The following FAM184A variants were observed in gnomAD, a reference collection of about 807,000 sequenced individuals.
The protein encoded by FAM184A is family with sequence similarity 184 member A.
Under a neutral mutation model 143.8 loss-of-function variants are expected in FAM184A, and 99 were observed. The observed-to-expected ratio is 0.69, with a 90% CI of 0.58 to 0.81. The LOEUF (loss-of-function observed/expected upper bound fraction) is 0.81, where lower values mean the gene tolerates loss of function less well. Ranked by LOEUF, FAM184A falls within the 40% of genes least tolerant of loss-of-function variation. The pLI, the probability that FAM184A is intolerant of heterozygous loss-of-function variation, is 0.00. For synonymous variants in FAM184A, 427 were observed against 446.4 expected (o/e 0.96, Z 0.55); for missense variants, 1,217 against 1,310.5 (o/e 0.93, Z 1.10).
intron 1 of FAM184A, among the ~76,000 whole-genome samples, chr6:119,026,511 C>T (rs544778213): frequency 1.3e-5 from 2 of 152,000 alleles, no homozygotes; most frequent in African/African-American, 2.4e-5. Context: ...TGAACGGACC[C>T]TCCTCTTAGC....
intron 14 of FAM184A, among the ~76,000 whole-genome samples, chr6:118,972,762 G>A (rs1783733643): frequency 2.0e-5 from 3 of 152,156 alleles, no homozygotes. Flanking sequence ...ACAGACTGAC[G>A]TTATTCTTTC....
intron 1 of FAM184A, among the ~76,000 whole-genome samples, chr6:119,042,646 C>T (rs991941073): frequency 1.3e-5 from 2 of 152,170 alleles, no homozygotes; most frequent in Admixed American, 6.5e-5. Flanking sequence ...TATAATACCA[C>T]AATGGTGAAC....
chr6:119,081,106 C>A (rs921107823), upstream of FAM184A, among the ~76,000 whole-genome samples: 1 of 152,136 alleles, frequency 6.6e-6, no homozygotes, highest in Non-Finnish European at 1.5e-5. Flanking sequence ...CTAACCCATT[C>A]ATGAGAACTT....
chr6:119,042,502 C>A (rs1786377076), intron 1 of FAM184A, among the ~76,000 whole-genome samples: 1 of 151,940 alleles, frequency 6.6e-6, no homozygotes, highest in Admixed American at 6.6e-5. Flanking sequence ...CAGTTGAATT[C>A]TTTCTTTTGA....
chr6:119,023,129 C>G (rs1471053942), intron 2 of FAM184A, 49 bp from the exon 3 acceptor site: 1 of 1,583,436 alleles, frequency 6.3e-7, no homozygotes, highest in Non-Finnish European at 8.6e-7. Context: ...TAATACTAAG[C>G]TAAATAATTC....
intron 1 of FAM184A, among the ~76,000 whole-genome samples, chr6:119,037,228 A>T (rs919711168): frequency 5.9e-5 from 9 of 152,202 alleles, no homozygotes; most frequent in Non-Finnish European, 1.3e-4. Flanking sequence ...TTCACATTTG[A>T]ACATTTCTTA....
Position 119,024,174 on chromosome 6 carries a change from T to C in FAM184A, c.799A>G (p.Lys267Glu). The C allele has an allele frequency of 6.2e-7, 1 of 1,614,238 alleles. No individual in the cohort carries two copies. Residue 267 changes from lysine (K) to glutamate (E), a missense_variant, in exon 2 of 18, where the codon AAA becomes GAA. Physicochemically the swap from Lys to Glu is moderately conservative, Grantham distance 56 (BLOSUM62 1). Coordinates refer to ENST00000338891, the MANE Select transcript of FAM184A (RefSeq NM_024581.6). Reference protein sequence around the residue: ...SFYERELDTLKRSQLFTAESL... With the variant: ...SFYERELDTLERSQLFTAESL... Reference sequence around the variant, plus strand: ...TCTGCTGTAAAAAGCTGTGACCTTTTCAAAGTATCAAGCTCACGTTCATAA... The same window carrying C: ...TCTGCTGTAAAAAGCTGTGACCTTTCCAAAGTATCAAGCTCACGTTCATAA...
chr6:119,051,515 A>G (rs1786764943), intron 1 of FAM184A, among the ~76,000 whole-genome samples: 1 of 152,236 alleles, frequency 6.6e-6, no homozygotes, highest in Admixed American at 6.5e-5. Context: ...ATATTTTAAA[A>G]TAAAGACTAT....
At chr6:119,054,802 C>T (rs1242744168) in intron 1 of FAM184A, among the ~76,000 whole-genome samples, 2 of 152,050 alleles carry the variant, frequency 1.3e-5, no homozygotes, top group Non-Finnish European at 2.9e-5. Context: ...AGACTTCTTG[C>T]CTTATAGGTC....
chr6:119,024,820 G>C lies in FAM184A; in HGVS notation c.160-7C>G, dbSNP rs41292562. 11,986 of 1,569,856 alleles carry C rather than the reference G, an allele frequency of 7.6e-3. 57 individuals are homozygous for C. The highest frequency in any genetic ancestry group is 0.018 in the Middle Eastern group (105 of 5,762). On this transcript the variant is annotated splice_region_variant and splice_polypyrimidine_tract_variant and intron_variant, in intron 1 of 17. Transcript: ENST00000338891. ...TGTTTAAAGCATATATTACCTGCAT[G>C]GTTTTGAATAAGAAGGGAGAAGGAT... is the stretch of plus-strand genomic sequence containing the variant.
chr6:119,023,631 C>T (rs1426878299), intron 2 of FAM184A, among the ~76,000 whole-genome samples: 2 of 133,646 alleles, frequency 1.5e-5, no homozygotes, highest in South Asian at 2.6e-4. Flanking sequence ...TGGCCTGAAG[C>T]GATCCTCCTG....
At chr6:119,115,970 AACACAC>A (rs66707302) in intron 1 of FAM184A, among the ~76,000 whole-genome samples, 7,526 of 137,346 alleles carry the variant, frequency 0.055, 522 homozygotes, top group Admixed American at 0.2. Flanking sequence ...CTCCGTCTCA[AACACAC>A]ACACACACAC....
At position 119,078,194 on chromosome 6, in the gene FAM184A, A is replaced by G. The variant is rs781343964; in HGVS notation, c.106T>C (p.Tyr36His). The G allele has an allele frequency of 7.6e-6, 12 of 1,584,690 alleles. No individual in the cohort carries two copies. The highest frequency in any genetic ancestry group is 1.7e-6 in the Non-Finnish European group (2 of 1,167,846). ...ATTTTCAGGTGCATCTCCTGGCTGT[A>G]GTCCATGCTGTGCCCAGCCAGCTGT... Reference protein sequence around the residue: ...TAQLAGHSMDYSQEMHLKMSK... With the variant: ...TAQLAGHSMDHSQEMHLKMSK... Residue 36 changes from tyrosine to histidine, a missense_variant, in exon 1 of 18, where the codon TAC becomes CAC. Coordinates refer to ENST00000338891, the MANE Select transcript of FAM184A (RefSeq NM_024581.6). This position sits in a 1 kb window ranked among gnomAD's most constrained non-coding sequence, Gnocchi z 5.5.
At chr6:118,997,325 A>G (rs1582482656) in intron 9 of FAM184A, among the ~76,000 whole-genome samples, 1 of 9,568 alleles carries the variant, frequency 1.0e-4, no homozygotes, top group Non-Finnish European at 2.9e-4. Flanking sequence ...ACTCCATCTC[A>G]AAAAAAAAAA....
intron 14 of FAM184A, among the ~76,000 whole-genome samples, chr6:118,972,700 C>A (rs747085168): frequency 1.2e-4 from 19 of 152,114 alleles, no homozygotes; most frequent in Admixed American, 4.6e-4. Context: ...AAAACAAGGA[C>A]ACAACCTTTA....
At chr6:119,141,768 T>C (rs1331995583) in intron 1 of FAM184A, among the ~76,000 whole-genome samples, 1 of 152,082 alleles carries the variant, frequency 6.6e-6, no homozygotes, top group African/African-American at 2.4e-5. Context: ...TGAGCCACTG[T>C]GCCCGGCCCC....
chr6:119,144,027 C>A (rs1772333918), intron 1 of FAM184A, among the ~76,000 whole-genome samples: 1 of 152,100 alleles, frequency 6.6e-6, no homozygotes, highest in African/African-American at 2.4e-5. Context: ...TCTGATAGAA[C>A]AGGCTGGTTT....
intron 9 of FAM184A, 94 bp downstream of exon 9, chr6:119,002,805 C>A: frequency 8.7e-7 from 1 of 1,152,636 alleles, no homozygotes; most frequent in South Asian, 1.9e-5. Context: ...TGAAAAATAA[C>A]AAAATTCAGT....
chr6:119,006,190 G>T, intron 7 of FAM184A: 1 of 764,944 alleles, frequency 1.3e-6, no homozygotes, highest in South Asian at 1.3e-5. Context: ...GAAAATACAA[G>T]GACGGATCTT....
Sources: allele counts gnomAD v4.1 joint callset (sites outside exome capture counted in the v4.1 genomes callset), GRCh38; gene constraint gnomAD v4.1.1; non-coding constraint Gnocchi (gnomAD v3.1); transcripts MANE v1.5; gene names NCBI Gene and HGNC (gene_info 2026-07-23, HGNC 2026-07-21).